The following TP53INP1 variants were observed in gnomAD, a reference collection of about 807,000 sequenced individuals.
TP53INP1 encodes the protein tumor protein p53-inducible nuclear protein 1.
In TP53INP1, 12 loss-of-function variants were observed where a neutral mutation model predicts 21.0. The ratio of observed to expected loss-of-function variants is 0.57; its 90% CI spans 0.37 to 0.93. TP53INP1 has a LOEUF of 0.93. TP53INP1 is among the 40% of genes least tolerant of loss of function. TP53INP1 has a pLI of 0.01. For missense variants in TP53INP1, 274 were observed against 294.7 expected, an observed-to-expected ratio of 0.93 and a Z score of 0.51; for synonymous variants, 91 against 94.8, an observed-to-expected ratio of 0.96 and a Z score of 0.23.
intron 3 of TP53INP1, among the ~76,000 whole-genome samples, chr8:94,935,193 T>TAGA (rs1356365038): frequency 6.9e-6 from 1 of 145,564 alleles, no homozygotes; most frequent in Non-Finnish European, 1.5e-5. Flanking sequence ...ATACTTTTCT[T>TAGA]AGAGTCAGAG....
chr8:94,932,372 A>G (rs1026389005), intron 3 of TP53INP1, among the ~76,000 whole-genome samples: 3 of 152,252 alleles, frequency 2.0e-5, no homozygotes, highest in African/African-American at 7.2e-5. Flanking sequence ...CCCCAATGAT[A>G]GACACAATGG....
intron 3 of TP53INP1, among the ~76,000 whole-genome samples, chr8:94,937,381 C>T (rs550094229): frequency 1.2e-3 from 187 of 150,966 alleles, no homozygotes; most frequent in East Asian, 1.4e-3. Flanking sequence ...GCAGAGGTTG[C>T]GCTGAGCCAA....
In TP53INP1 at chr8:94,929,108, C is replaced by T. The variant is rs1820151196; in HGVS notation, c.*1371G>A. Reference sequence around the variant, plus strand: ...TTAACTGGCCTACGTGTGAATCGAACCCTGCACCCTGGCCTCATTAGCACC... The same window carrying T: ...TTAACTGGCCTACGTGTGAATCGAATCCTGCACCCTGGCCTCATTAGCACC... On this transcript the variant is annotated 3_prime_UTR_variant, in exon 4 of 4. Coordinates refer to ENST00000342697, the MANE Select transcript of TP53INP1 (RefSeq NM_033285.4). The T allele has an allele frequency of 1.3e-5, 2 of 152,554 alleles. No homozygotes were observed. The highest frequency in any genetic ancestry group is 2.4e-5 in the African/African-American group (1 of 41,408). 9.5% of individuals were successfully genotyped at this position (152,554 alleles called of 1,614,324 possible).
chr8:94,929,776 G>A lies in TP53INP1; in HGVS notation c.*703C>T, dbSNP rs1196438459. ...CAGGTCTAATTTAATCCCTCTGCAC[G>A]AGACAAGTGCCTCTGTCTACAACAC... is the stretch of plus-strand genomic sequence containing the variant. On this transcript the variant is annotated 3_prime_UTR_variant, in exon 4 of 4. Transcript: ENST00000342697. 1 of 152,186 alleles carries A rather than the reference G, an allele frequency of 6.6e-6. No homozygotes were observed. The allele number at this position is 152,186 out of a possible 1,614,324, so 9.4% of individuals were successfully genotyped here.
chr8:94,936,866 C>T (rs1821028145), intron 3 of TP53INP1, among the ~76,000 whole-genome samples: 1 of 152,140 alleles, frequency 6.6e-6, no homozygotes, highest in South Asian at 2.1e-4. Context: ...CTAGACATTC[C>T]TCTTCTACTC....
At chr8:94,941,385 T>C (rs932509613) in intron 1 of TP53INP1, among the ~76,000 whole-genome samples, 1 of 152,288 alleles carries the variant, frequency 6.6e-6, no homozygotes, top group East Asian at 1.9e-4. Flanking sequence ...CCTTCAAACT[T>C]TTCTGCAAGC....
intron 1 of TP53INP1, 63 bp from the exon 2 acceptor site, chr8:94,941,154 TACACATAC>T (rs1202079695): frequency 2.0e-6 from 1 of 506,172 alleles, no homozygotes. Context: ...CATAAGTACA[TACACATAC>T]ACACATACCC....
intron 1 of TP53INP1, among the ~76,000 whole-genome samples, chr8:94,947,079 G>C (rs886410150): frequency 1.3e-5 from 2 of 152,172 alleles, no homozygotes; most frequent in African/African-American, 4.8e-5. Flanking sequence ...GGAAACCGAG[G>C]CTGAGGAATT....
chr8:94,946,131 G>T, intron 1 of TP53INP1, among the ~76,000 whole-genome samples: 1 of 150,940 alleles, frequency 6.6e-6, no homozygotes, highest in Non-Finnish European at 1.5e-5. Flanking sequence ...CTACACATAA[G>T]GCTTCTTTTT....
At chr8:94,942,370 C>T (rs1821625687) in intron 1 of TP53INP1, among the ~76,000 whole-genome samples, 1 of 152,030 alleles carries the variant, frequency 6.6e-6, no homozygotes, top group African/African-American at 2.4e-5. Context: ...CACCCCTCAT[C>T]CCAACCACCA....
chr8:94,941,430 A>G (rs1323588975), intron 1 of TP53INP1, among the ~76,000 whole-genome samples: 1 of 152,186 alleles, frequency 6.6e-6, no homozygotes, highest in African/African-American at 2.4e-5. Context: ...CAGTCTTGCT[A>G]TATGTTATTC....
chr8:94,930,102 GCTTAA>G lies in TP53INP1; in HGVS notation c.*372_*376del. ...TGACCCTGAGAATAAATTTTTGCTT[GCTTAA>G]AAGATTAAGTAATACAAAATAAAAT... On this transcript the variant is annotated 3_prime_UTR_variant, in exon 4 of 4. Coordinates refer to ENST00000342697, the MANE Select transcript of TP53INP1 (RefSeq NM_033285.4). 1 of 192,868 alleles carries G rather than the reference GCTTAA, an allele frequency of 5.2e-6. No homozygotes were observed. Among genetic ancestry groups the G allele is most frequent in the Non-Finnish European group, 1.1e-5 (1 of 92,566 alleles). 11.9% of individuals were successfully genotyped at this position (192,868 alleles called of 1,614,324 possible). A position where few individuals can be genotyped will look rare whatever the true frequency, so the allele number is the denominator to read the frequency against.
intron 3 of TP53INP1, among the ~76,000 whole-genome samples, chr8:94,935,015 A>G (rs1292318897): frequency 6.6e-6 from 1 of 152,134 alleles, no homozygotes; most frequent in East Asian, 1.9e-4. Flanking sequence ...GAGACTTGAG[A>G]GTATGGCAAA....
chr8:94,931,764 G>A (rs1820424999), intron 3 of TP53INP1, among the ~76,000 whole-genome samples: 1 of 152,106 alleles, frequency 6.6e-6, no homozygotes, highest in African/African-American at 2.4e-5. Flanking sequence ...CACCTTAATA[G>A]AGTTCAAGAC....
chr8:94,936,548 GT>G (rs952675566), intron 3 of TP53INP1, among the ~76,000 whole-genome samples: 6 of 152,164 alleles, frequency 3.9e-5, no homozygotes, highest in Non-Finnish European at 8.8e-5. Flanking sequence ...ACTGCACGCT[GT>G]TTTCCTAGCG....
At chr8:94,941,450 G>C (rs1170885748) in intron 1 of TP53INP1, among the ~76,000 whole-genome samples, 2 of 152,178 alleles carry the variant, frequency 1.3e-5, no homozygotes. Context: ...CAACTGCTCA[G>C]AAGTCCCAGC....
Position 94,941,049 on chromosome 8 carries a change from G to T in TP53INP1, c.-108C>A. ...CCGACAGGAGATTAAAGTGCACAGG[G>T]TGCTTATTCAACTTAGGTGAAAAGC... is the stretch of plus-strand genomic sequence containing the variant. On this transcript the variant is annotated 5_prime_UTR_variant, in exon 2 of 4. Coordinates refer to ENST00000342697, the MANE Select transcript of TP53INP1 (RefSeq NM_033285.4). The T allele has an allele frequency of 1.3e-6, 1 of 746,528 alleles. No homozygotes were observed. The highest frequency in any genetic ancestry group is 2.2e-6 in the Non-Finnish European group (1 of 449,684). 46.2% of individuals were successfully genotyped at this position (746,528 alleles called of 1,614,324 possible). A position where few individuals can be genotyped will look rare whatever the true frequency, so the allele number is the denominator to read the frequency against.
In TP53INP1 at chr8:94,926,148, A is replaced by G. The variant is rs1819871781; in HGVS notation, c.*4331T>C. On this transcript the variant is annotated 3_prime_UTR_variant, in exon 4 of 4. Coordinates refer to ENST00000342697, the MANE Select transcript of TP53INP1 (RefSeq NM_033285.4). ...AGTCTGTGTACAAAACTGACCATCT[A>G]TGAACCAATCAGTATAAAAAATTTC... 6.6e-6 allele frequency: 1 copy of G among 152,640 alleles called. No homozygotes were observed. The highest frequency in any genetic ancestry group is 2.4e-5 in the African/African-American group (1 of 41,440). The allele number at this position is 152,640 out of a possible 1,614,324, so 9.5% of individuals were successfully genotyped here.
At position 94,939,919 on chromosome 8, in the gene TP53INP1, G is replaced by A. The variant is rs771859447; in HGVS notation, c.414C>T (p.Cys138=). ...CACGGGTGGCCTCACTGAGACCAGG[G>A]CAGGAGTTATGCACAGCATAGACAG... ...SMSVYAVHNS[C]PGLSEATRGT... is the part of the protein sequence containing the mutation. Residue 138 remains cysteine (C), a synonymous_variant, in exon 3 of 4, where the codon TGC becomes TGT. Transcript: ENST00000342697. 6.8e-6 allele frequency: 11 copies of A among 1,614,170 alleles called. No homozygotes were observed. The highest frequency in any genetic ancestry group is 3.3e-5 in the Admixed American group (2 of 60,020).
Sources: gnomAD v4.1 joint callset for allele counts (sites outside exome capture counted in the v4.1 genomes callset) on GRCh38, gnomAD v4.1.1 for gene constraint, MANE v1.5 for transcripts, NCBI Gene and HGNC (gene_info 2026-07-23, HGNC 2026-07-21) for gene names.